Variants in GSE1 observed in about 807,000 individuals in gnomAD.
GSE1 encodes genetic suppressor element 1.
Under a neutral mutation model 112.6 loss-of-function variants are expected in GSE1, and 32 were observed. That is an observed-to-expected ratio of 0.28 (90% CI 0.21 to 0.38). The LOEUF (loss-of-function observed/expected upper bound fraction) is 0.38. Ranked by LOEUF, GSE1 falls within the 10% of genes least tolerant of loss-of-function variation. The pLI is 1.00. For missense variants in GSE1, 2,348 were observed against 1,699.2 expected, an observed-to-expected ratio of 1.38 and a Z score of -6.71; for synonymous variants, 1,115 against 735.6, an observed-to-expected ratio of 1.52 and a Z score of -8.35.
At chr16:85,604,340 G>T (rs570958800) in intron 1 of GSE1, among the ~76,000 whole-genome samples, 2 of 152,238 alleles carry the variant, frequency 1.3e-5, no homozygotes, top group East Asian at 3.9e-4. Context: ...TAGCACCTCA[G>T]TCCTTTTTAT....
intron 2 of GSE1, among the ~76,000 whole-genome samples, chr16:85,368,905 C>T (rs564511613): frequency 1.3e-5 from 2 of 152,094 alleles, no homozygotes; most frequent in Non-Finnish European, 2.9e-5. Context: ...CTGCGGGCTC[C>T]CTGAGTTGAG....
chr16:85,225,556 C>T (rs1334682740), intron 1 of GSE1, among the ~76,000 whole-genome samples: 1 of 152,160 alleles, frequency 6.6e-6, no homozygotes, highest in Non-Finnish European at 1.5e-5. Context: ...GAACCCTGTC[C>T]CTCCGCTGCC....
intron 2 of GSE1, among the ~76,000 whole-genome samples, chr16:85,403,613 A>C (rs11643301): frequency 0.94 from 143,649 of 152,012 alleles, 68,202 homozygotes; most frequent in Non-Finnish European, 1. Flanking sequence ...AACATAGTGA[A>C]ACCCTGTCTC....
intron 1 of GSE1, among the ~76,000 whole-genome samples, chr16:85,227,048 C>A (rs2075500951): frequency 6.9e-6 from 1 of 144,460 alleles, no homozygotes; most frequent in South Asian, 2.2e-4. Context: ...TTCCTTTCAT[C>A]TTCCATCTGT....
At chr16:85,645,907 G>A (rs2151850854) in intron 2 of GSE1, among the ~76,000 whole-genome samples, 1 of 146,306 alleles carries the variant, frequency 6.8e-6, no homozygotes, top group South Asian at 2.1e-4. Flanking sequence ...CTTCTACCAT[G>A]CTTTCTATGC....
At chr16:85,287,948 A>ACCTCCC (rs2045088531) in intron 1 of GSE1, among the ~76,000 whole-genome samples, 1 of 152,194 alleles carries the variant, frequency 6.6e-6, no homozygotes, top group East Asian at 1.9e-4. Flanking sequence ...ATCATGAAAT[A>ACCTCCC]AGCGCTATTG....
At chr16:85,434,195 G>A (rs529740808) in intron 2 of GSE1, among the ~76,000 whole-genome samples, 3 of 152,188 alleles carry the variant, frequency 2.0e-5, no homozygotes, top group Non-Finnish European at 2.9e-5. Flanking sequence ...CAGGGCTGGG[G>A]ACTGCAGCCT....
intron 2 of GSE1, among the ~76,000 whole-genome samples, chr16:85,376,929 C>T (rs974717205): frequency 3.3e-5 from 5 of 152,382 alleles, no homozygotes; most frequent in East Asian, 1.9e-4. Context: ...CGTTACCCGA[C>T]GGCCCCTCCT....
chr16:85,509,505 C>T (rs988323729), intron 2 of GSE1, among the ~76,000 whole-genome samples: 1 of 152,260 alleles, frequency 6.6e-6, no homozygotes, highest in African/African-American at 2.4e-5. Context: ...CTTGGTCACC[C>T]ACCTGGAGGG....
chr16:85,492,166 C>T (rs567513767), intron 2 of GSE1, among the ~76,000 whole-genome samples: 2 of 152,314 alleles, frequency 1.3e-5, no homozygotes, highest in Admixed American at 6.5e-5. Context: ...TTGTCAGAAC[C>T]AGCTTTTTGG....
chr16:85,357,957 A>T (rs545234724), intron 2 of GSE1, among the ~76,000 whole-genome samples: 1 of 151,992 alleles, frequency 6.6e-6, no homozygotes, highest in Non-Finnish European at 1.5e-5. Flanking sequence ...AAAAAAAATG[A>T]TGTTATGGAT....
At chr16:85,484,152 G>A (rs1010561078) in intron 2 of GSE1, among the ~76,000 whole-genome samples, 2 of 152,216 alleles carry the variant, frequency 1.3e-5, no homozygotes, top group African/African-American at 2.4e-5. Flanking sequence ...TCATAGAACC[G>A]CAGTGAGGTT....
intron 2 of GSE1, among the ~76,000 whole-genome samples, chr16:85,435,675 C>A (rs946533098): frequency 6.6e-6 from 1 of 151,646 alleles, no homozygotes; most frequent in Non-Finnish European, 1.5e-5. Context: ...GAGGGAGAGA[C>A]GGTGTAGGAT....
In GSE1 at chr16:85,663,577, C is replaced by T. The variant is rs1459662403; in HGVS notation, c.2607C>T (p.Ile869=). The change falls in exon 11 of 16, where the codon ATC becomes ATT. Residue 869 remains isoleucine (I), a synonymous_variant. Coordinates refer to ENST00000253458, the MANE Select transcript of GSE1 (RefSeq NM_014615.5). ...AAGAAAAGAAGAAGTTCCTGACCAT[C>T]TTCAACCTGACCCACATCAGCGCTG... is the stretch of plus-strand genomic sequence containing the variant. ...NFEEKKKFLT[I]FNLTHISAEK... The T allele has an allele frequency of 1.9e-6, 3 of 1,614,004 alleles. No homozygotes were observed. The highest frequency in any genetic ancestry group is 2.2e-5 in the East Asian group (1 of 44,870).
chr16:85,609,011 A>G (rs540128647), upstream of GSE1, among the ~76,000 whole-genome samples: 2 of 152,348 alleles, frequency 1.3e-5, no homozygotes, highest in Admixed American at 1.3e-4. Flanking sequence ...TCCGGGATCC[A>G]TCCTCCGCCA....
chr16:85,623,703 C>G (rs1011704687), intron 1 of GSE1, among the ~76,000 whole-genome samples: 2 of 152,190 alleles, frequency 1.3e-5, no homozygotes, highest in African/African-American at 4.8e-5. Context: ...GGCGTCCGCC[C>G]TGTTGGAGGG....
At chr16:85,197,833 A>G (rs984796851) in intron 1 of GSE1, among the ~76,000 whole-genome samples, 10 of 152,128 alleles carry the variant, frequency 6.6e-5, no homozygotes, top group Non-Finnish European at 1.2e-4. Flanking sequence ...GAGCAGAGAG[A>G]GGGTTTGTCC....
At chr16:85,427,467 C>T (rs1024490039) in intron 2 of GSE1, among the ~76,000 whole-genome samples, 3 of 152,188 alleles carry the variant, frequency 2.0e-5, no homozygotes, top group African/African-American at 7.2e-5. Flanking sequence ...CATGGTGAAA[C>T]CCCGTCTCTA....
chr16:85,622,224 A>G (rs1164460455), intron 1 of GSE1, among the ~76,000 whole-genome samples: 1 of 152,206 alleles, frequency 6.6e-6, no homozygotes, highest in Non-Finnish European at 1.5e-5. Flanking sequence ...TTTCCTGGAC[A>G]GCTCCATTCC....
Sources: gnomAD v4.1 joint callset for allele counts (sites outside exome capture counted in the v4.1 genomes callset) on GRCh38, gnomAD v4.1.1 for gene constraint, MANE v1.5 for transcripts, NCBI Gene and HGNC (gene_info 2026-07-23, HGNC 2026-07-21) for gene names.